EPB41L5: variants seen among roughly 807,000 people sequenced by gnomAD.
EPB41L5 encodes band 4.1-like protein 5.
In EPB41L5, 55 loss-of-function variants were observed where a neutral mutation model predicts 106.6. That is an observed-to-expected ratio of 0.52 (90% CI 0.42 to 0.65). The LOEUF (loss-of-function observed/expected upper bound fraction) is 0.65, where lower values mean the gene tolerates loss of function less well. EPB41L5 is among the 30% of genes least tolerant of loss of function. EPB41L5 has a pLI of 0.00. For missense variants in EPB41L5, 871 were observed against 882.1 expected, an observed-to-expected ratio of 0.99 and a Z score of 0.16; for synonymous variants, 297 against 306.7, an observed-to-expected ratio of 0.97 and a Z score of 0.33.
intron 1 of EPB41L5, among the ~76,000 whole-genome samples, chr2:120,014,860 G>T (rs904491538): frequency 1.3e-5 from 2 of 151,852 alleles, no homozygotes; most frequent in African/African-American, 4.8e-5. Context: ...TTAGAACAGG[G>T]ATCAGATTTG....
In EPB41L5 at chr2:120,166,066, A is replaced by G. The variant is rs562213288; in HGVS notation, c.1962+1156A>G. Among the ~76,000 whole-genome samples the G allele has an allele frequency of 9.2e-5, 14 of 152,034 alleles. 1 individual carries two copies. In the South Asian group the frequency reaches 2.9e-3, roughly 32 times the overall value. ...CTGTAGGGGCTAGATGCCATCCTGA[A>G]GGCTTGGAAATACACATGATACTGA... On this transcript the variant is annotated intron_variant, in intron 22 of 24. Transcript: ENST00000263713.
intron 17 of EPB41L5, among the ~76,000 whole-genome samples, chr2:120,131,091 G>A (rs1685666109): frequency 6.6e-6 from 1 of 152,196 alleles, no homozygotes; most frequent in African/African-American, 2.4e-5. Flanking sequence ...AGAACATTAT[G>A]AAGACAAAAT....
intron 20 of EPB41L5, 28 bp downstream of exon 20, chr2:120,146,317 T>C (rs1278707197): frequency 2.0e-6 from 3 of 1,518,096 alleles, no homozygotes; most frequent in South Asian, 2.3e-5. Context: ...CTGAATTAAA[T>C]TGATGTTCTT....
intron 2 of EPB41L5, among the ~76,000 whole-genome samples, chr2:120,021,596 G>C (rs1026568582): frequency 1.3e-5 from 2 of 152,154 alleles, no homozygotes; most frequent in African/African-American, 4.8e-5. Context: ...AGCTGAATTC[G>C]CACCACTGCA....
intron 21 of EPB41L5, among the ~76,000 whole-genome samples, chr2:120,163,258 G>T (rs1434743519): frequency 1.1e-4 from 10 of 87,500 alleles, no homozygotes; most frequent in Non-Finnish European, 1.8e-4. Flanking sequence ...GTGTCCCTCT[G>T]CCCCCCCCCC....
chr2:120,171,114 A>G (rs890731804), intron 24 of EPB41L5, among the ~76,000 whole-genome samples: 16 of 152,332 alleles, frequency 1.1e-4, no homozygotes, highest in African/African-American at 3.8e-4. Flanking sequence ...AATCATGAGG[A>G]CAAAGAACAG....
At chr2:120,159,691 G>T (rs577448657) in intron 20 of EPB41L5, among the ~76,000 whole-genome samples, 24 of 152,252 alleles carry the variant, frequency 1.6e-4, no homozygotes, top group African/African-American at 5.8e-4. Flanking sequence ...CATGTTGCTG[G>T]TATAAAAACA....
chr2:120,072,964 C>A (rs918245450), intron 3 of EPB41L5, among the ~76,000 whole-genome samples: 1 of 150,674 alleles, frequency 6.6e-6, no homozygotes, highest in Non-Finnish European at 1.5e-5. Flanking sequence ...GGTTTTAGGT[C>A]GTTTTTGTTC....
rs1679389018 is a variant in EPB41L5 at position 120,041,305 on chromosome 2, C to G, written c.181-701C>G. Among the ~76,000 whole-genome samples the G allele has an allele frequency of 2.6e-5, 4 of 152,090 alleles. No individual in the cohort carries two copies. The South Asian group carries it at 8.3e-4, about 32-fold the overall frequency. On this transcript the variant is annotated intron_variant, in intron 2 of 24. Coordinates refer to ENST00000263713, the MANE Select transcript of EPB41L5 (RefSeq NM_020909.4). The stretch of plus-strand genomic sequence containing the variant: ...TGTGTTGCAATGTGTTGTTTTGTTT[C>G]AGGTATATAAGAAACCTAGGACCTC...
chr2:120,133,353 GA>G (rs1445148061), intron 18 of EPB41L5, among the ~76,000 whole-genome samples: 1 of 152,148 alleles, frequency 6.6e-6, no homozygotes, highest in Non-Finnish European at 1.5e-5. Context: ...AGGAGGCACT[GA>G]AGAGGGTAGG....
At chr2:120,078,606 T>C (rs112630803) in intron 10 of EPB41L5, 25 bp downstream of exon 10, 1 of 1,501,394 alleles carries the variant, frequency 6.7e-7, no homozygotes, top group South Asian at 1.2e-5. Flanking sequence ...TTGTCAAAGA[T>C]ACTTACTGTT....
chr2:120,165,048 A>G, intron 22 of EPB41L5, 138 bp downstream of exon 22: 1 of 622,098 alleles, frequency 1.6e-6, no homozygotes, highest in Non-Finnish European at 2.7e-6. Flanking sequence ...ATAACCACTT[A>G]GCATTGCCTC....
At chr2:120,139,980 C>T (rs1558901337) in intron 18 of EPB41L5, among the ~76,000 whole-genome samples, 3 of 151,944 alleles carry the variant, frequency 2.0e-5, no homozygotes, top group Admixed American at 6.6e-5. Flanking sequence ...AAGTACTATT[C>T]GGCCATAAAA....
intron 2 of EPB41L5, among the ~76,000 whole-genome samples, chr2:120,037,130 G>T (rs116506468): frequency 5.3e-5 from 8 of 151,952 alleles, no homozygotes; most frequent in African/African-American, 1.4e-4. Context: ...AGTTAGCAAT[G>T]ATCTGAAAAC....
chr2:120,144,102 G>C (rs1201501604), intron 19 of EPB41L5, among the ~76,000 whole-genome samples: 12 of 152,114 alleles, frequency 7.9e-5, no homozygotes, highest in Non-Finnish European at 1.8e-4. Flanking sequence ...TATTTGCTAT[G>C]GTCTGAATGG....
At chr2:120,072,722 T>C (rs1681957241) in intron 3 of EPB41L5, among the ~76,000 whole-genome samples, 1 of 151,642 alleles carries the variant, frequency 6.6e-6, no homozygotes, top group African/African-American at 2.4e-5. Context: ...TAAGTGGGAG[T>C]TGAACAATGG....
chr2:120,080,196 T>C (rs1450444363), intron 10 of EPB41L5, among the ~76,000 whole-genome samples: 2 of 151,972 alleles, frequency 1.3e-5, no homozygotes, highest in Non-Finnish European at 2.9e-5. Context: ...GCCAAGTTGG[T>C]GTGCTGCACC....
intron 10 of EPB41L5, among the ~76,000 whole-genome samples, chr2:120,085,249 G>T (rs1443273559): frequency 1.3e-5 from 2 of 152,080 alleles, no homozygotes; most frequent in Admixed American, 6.5e-5. Flanking sequence ...CCGTCTTTGT[G>T]GTTTTATCTA....
intron 2 of EPB41L5, among the ~76,000 whole-genome samples, chr2:120,036,187 C>T (rs1679027535): frequency 6.6e-6 from 1 of 152,160 alleles, no homozygotes; most frequent in South Asian, 2.1e-4. Context: ...AATTCCCTTA[C>T]CTAAATTTCC....
Sources: gnomAD v4.1 joint callset for allele counts (sites outside exome capture counted in the v4.1 genomes callset) on GRCh38, gnomAD v4.1.1 for gene constraint, MANE v1.5 for transcripts, NCBI Gene and HGNC (gene_info 2026-07-23, HGNC 2026-07-21) for gene names.